The following TCAF1 variants were observed in gnomAD, a reference collection of about 807,000 sequenced individuals.
TCAF1 encodes TRPM8 channel associated factor 1, also known as TRPM8 channel-associated factor 1.
A neutral mutation model predicts 27.3 loss-of-function variants in TCAF1; 4 were observed. That is an observed-to-expected ratio of 0.15 (90% CI 0.07 to 0.34). The LOEUF (loss-of-function observed/expected upper bound fraction) is 0.34. Among genes scored for constraint, TCAF1 ranks in the 10% least tolerant of loss-of-function variants. The probability of loss-of-function intolerance (pLI) is 1.00; values close to 1 mark genes in which losing one functional copy is unlikely to be tolerated. For synonymous variants in TCAF1, 105 were observed against 167.1 expected (o/e 0.63, Z 2.87); for missense variants, 257 against 425.8 (o/e 0.60, Z 3.49).
intron 1 of TCAF1, among the ~76,000 whole-genome samples, chr7:143,895,768 A>T (rs1044109517): frequency 3.3e-5 from 5 of 151,728 alleles, no homozygotes; most frequent in African/African-American, 4.8e-5. Context: ...GGATCAATTT[A>T]ACTTAAGTAT....
At chr7:143,882,969 C>G in intron 1 of TCAF1, 1 of 754,296 alleles carries the variant, frequency 1.3e-6, no homozygotes, top group Non-Finnish European at 1.6e-6. Flanking sequence ...TGGCGGGGGA[C>G]AGCGCTTCTT....
intron 1 of TCAF1, among the ~76,000 whole-genome samples, chr7:143,880,195 T>C (rs963337002): frequency 1.2e-4 from 18 of 152,234 alleles, no homozygotes; most frequent in Non-Finnish European, 2.4e-4. Context: ...CTGTAACTTA[T>C]TTAATGCTGA....
chr7:143,890,693 T>A (rs1813602510), intron 1 of TCAF1, among the ~76,000 whole-genome samples: 1 of 152,242 alleles, frequency 6.6e-6, no homozygotes, highest in African/African-American at 2.4e-5. Flanking sequence ...GCAGGGTTAC[T>A]GAGGCTGAAA....
At chr7:143,883,097 G>A (rs1232330893) in intron 1 of TCAF1, among the ~76,000 whole-genome samples, 1 of 152,196 alleles carries the variant, frequency 6.6e-6, no homozygotes, top group Non-Finnish European at 1.5e-5. Flanking sequence ...CTCTACATTA[G>A]TAAGGGAAAG....
At chr7:143,859,897 T>TATACA (rs1274881822) in intron 6 of TCAF1, among the ~76,000 whole-genome samples, 1 of 67,226 alleles carries the variant, frequency 1.5e-5, no homozygotes, top group African/African-American at 5.2e-5. Flanking sequence ...ATAATATATA[T>TATACA]TATATAATAT....
chr7:143,878,903 A>C (rs1812863830), intron 1 of TCAF1, among the ~76,000 whole-genome samples: 1 of 152,122 alleles, frequency 6.6e-6, no homozygotes, highest in Non-Finnish European at 1.5e-5. Context: ...CCAATTTCTA[A>C]GTTACCAAGA....
At chr7:143,882,497 G>C in intron 1 of TCAF1, 1 of 985,370 alleles carries the variant, frequency 1.0e-6, no homozygotes, top group African/African-American at 1.7e-5. Flanking sequence ...GAGCAATGCG[G>C]CAGGGGGATG....
chr7:143,896,626 A>T (rs1586802147), intron 1 of TCAF1, among the ~76,000 whole-genome samples: 1 of 152,194 alleles, frequency 6.6e-6, no homozygotes, highest in Non-Finnish European at 1.5e-5. Flanking sequence ...AAATTAGGCA[A>T]CTACAACTAC....
chr7:143,895,182 C>G (rs1387169278), intron 1 of TCAF1, among the ~76,000 whole-genome samples: 1 of 151,674 alleles, frequency 6.6e-6, no homozygotes, highest in Non-Finnish European at 1.5e-5. Flanking sequence ...TTAGGCTGAC[C>G]AGATGTATGT....
At chr7:143,883,901 T>C (rs1016054462) in intron 1 of TCAF1, among the ~76,000 whole-genome samples, 6 of 152,148 alleles carry the variant, frequency 3.9e-5, no homozygotes, top group African/African-American at 1.4e-4. Context: ...GGCTCCAGCA[T>C]GGGAAATGCA....
rs779537379 is a variant in TCAF1 at position 143,876,337 on chromosome 7, G to C, written c.272C>G (p.Pro91Arg). 2 of 1,614,188 alleles carry C rather than the reference G, an allele frequency of 1.2e-6. No homozygotes were observed. The highest frequency in any genetic ancestry group is 1.7e-5 in the Admixed American group (1 of 60,024). Reference sequence around the variant, plus strand: ...TGCCAGGGATGGGTGTACACCAATGGGAGCCCCAGGGGAAGAGCAAAGCCA... The same window carrying C: ...TGCCAGGGATGGGTGTACACCAATGCGAGCCCCAGGGGAAGAGCAAAGCCA... ...VGWLCSSPGAPIGVHPSLAPL... is the reference protein window; with the variant it reads ...VGWLCSSPGARIGVHPSLAPL... The change falls in exon 2 of 9, where the codon CCC becomes CGC. Residue 91 changes from proline to arginine, a missense_variant. Pro to Arg is a moderately radical substitution (Grantham distance 103). This residue lies in a region of TCAF1 where 255 missense variants were observed against 260.1 expected (regional missense o/e 0.98). Coordinates refer to ENST00000479870, the MANE Select transcript of TCAF1 (RefSeq NM_014719.3).
intron 1 of TCAF1, among the ~76,000 whole-genome samples, chr7:143,883,494 CTTT>C (rs1401266708): frequency 9.5e-6 from 1 of 105,214 alleles, no homozygotes; most frequent in African/African-American, 4.9e-5. Context: ...TCTTTCTTTC[CTTT>C]TTCTTTTTTT....
intron 7 of TCAF1, among the ~76,000 whole-genome samples, 179 bp from the exon 8 acceptor site, chr7:143,857,529 T>C: frequency 6.6e-6 from 1 of 152,310 alleles, no homozygotes; most frequent in Non-Finnish European, 1.5e-5. Context: ...CACATTCTAA[T>C]CTTAGGAAGG....
intron 1 of TCAF1, among the ~76,000 whole-genome samples, chr7:143,881,705 G>A (rs948902318): frequency 2.0e-5 from 3 of 151,980 alleles, no homozygotes; most frequent in African/African-American, 4.8e-5. Flanking sequence ...TCCCCATTCA[G>A]CCCCTCTACC....
chr7:143,895,318 T>C (rs922058790), intron 1 of TCAF1, among the ~76,000 whole-genome samples: 2 of 151,994 alleles, frequency 1.3e-5, no homozygotes, highest in South Asian at 2.1e-4. Flanking sequence ...GATATACTTA[T>C]ACAATACTAT....
In TCAF1 at chr7:143,851,917, T is replaced by C. The variant is rs1312610917; in HGVS notation, c.*2216A>G. On this transcript the variant is annotated 3_prime_UTR_variant, in exon 9 of 9. Transcript: ENST00000479870. ...CAGCATTAATTACTTTCAACTTCAG[T>C]TCTGAATAAAAAATGAAACCTTTCA... 6.6e-6 allele frequency: 1 copy of C among 152,184 alleles called. No individual in the cohort carries two copies. The highest frequency in any genetic ancestry group is 2.4e-5 in the African/African-American group (1 of 41,398). 9.4% of individuals were successfully genotyped at this position (152,184 alleles called of 1,614,324 possible).
intron 6 of TCAF1, among the ~76,000 whole-genome samples, 163 bp downstream of exon 6, chr7:143,860,045 A>T (rs75856100): frequency 0.73 from 24,137 of 32,958 alleles, 8,941 homozygotes; most frequent in South Asian, 0.9. Flanking sequence ...ATAATATATA[A>T]TATATATTAT....
At chr7:143,886,783 G>A (rs996277999) in intron 1 of TCAF1, among the ~76,000 whole-genome samples, 17 of 138,300 alleles carry the variant, frequency 1.2e-4, no homozygotes, top group Non-Finnish European at 1.5e-4. Context: ...TCGAACTCCT[G>A]GGCTCAATCG....
At chr7:143,894,540 C>T (rs1259387333) in intron 1 of TCAF1, among the ~76,000 whole-genome samples, 1 of 151,734 alleles carries the variant, frequency 6.6e-6, no homozygotes, top group Non-Finnish European at 1.5e-5. Flanking sequence ...GAACCCTTAA[C>T]CCATACCTCA....
Sources: gnomAD v4.1 joint callset for allele counts (sites outside exome capture counted in the v4.1 genomes callset) on GRCh38, gnomAD v4.1.1 for gene constraint, gnomAD v4.1.1 regional missense constraint, MANE v1.5 for transcripts, NCBI Gene and HGNC (gene_info 2026-07-23, HGNC 2026-07-21) for gene names.